The following PCNX2 variants were observed in gnomAD, a reference collection of about 807,000 sequenced individuals.
PCNX2 encodes the protein pecanex 2.
Under a neutral mutation model 223.8 loss-of-function variants are expected in PCNX2, and 168 were observed. The observed-to-expected ratio is 0.75, with a 90% CI of 0.66 to 0.85. The LOEUF (loss-of-function observed/expected upper bound fraction) is 0.85. PCNX2 is among the 40% of genes least tolerant of loss of function. The pLI is 0.00. For synonymous variants in PCNX2, 1,006 were observed against 1,052.6 expected (o/e 0.96, Z 0.86); for missense variants, 2,507 against 2,675.5 (o/e 0.94, Z 1.39).
intron 4 of PCNX2, 83 bp downstream of exon 4, chr1:233,261,202 C>A: frequency 8.0e-7 from 1 of 1,253,970 alleles, no homozygotes; most frequent in Non-Finnish European, 1.2e-6. Flanking sequence ...TTCAATTAAT[C>A]CACTGGCATT....
chr1:233,255,097 C>T (rs757739142), intron 5 of PCNX2, among the ~76,000 whole-genome samples: 21 of 152,130 alleles, frequency 1.4e-4, no homozygotes, highest in Admixed American at 6.6e-5. Context: ...GCCCAGGAAG[C>T]CAATATACTA....
intron 26 of PCNX2, among the ~76,000 whole-genome samples, chr1:233,022,222 A>G (rs979565263): frequency 6.6e-6 from 1 of 152,200 alleles, no homozygotes; most frequent in African/African-American, 2.4e-5. Flanking sequence ...TCTTCTGTCC[A>G]GACTGTATGG....
rs145764438 is a variant in PCNX2 at position 233,240,766 on chromosome 1, C to T, written c.2223-3786G>A. ...TAGTCTGGGCCAGAAGAGTGCACTT[C>T]TGTATGGAAGGAGTTGGGCCTCAAA... On this transcript the variant is annotated intron_variant, in intron 8 of 33. Transcript: ENST00000258229. 3.5e-3 allele frequency among the ~76,000 whole-genome samples: 530 copies of T among 152,324 alleles called. 2 individuals are homozygous for T. The highest frequency in any genetic ancestry group is 0.012 in the African/African-American group (517 of 41,570).
the PCNX2 span, among the ~76,000 whole-genome samples, chr1:233,321,414 C>T: frequency 5.3e-5 from 8 of 152,314 alleles, no homozygotes; most frequent in African/African-American, 1.7e-4. Flanking sequence ...TCTGCTGCCT[C>T]AGCCTCCCAA....
Position 233,001,677 on chromosome 1 carries a change from C to A in PCNX2, c.4957G>T (p.Asp1653Tyr). Residue 1653 changes from aspartate (D) to tyrosine (Y), a missense_variant, in exon 29 of 34, where the codon GAT becomes TAT. By Grantham distance (160) the Asp-to-Tyr change is radical. Around this residue, in one of 3 missense-constraint regions of PCNX2, gnomAD observed 1,372 missense variants for 1,509.4 expected, o/e 0.91. Transcript: ENST00000258229. The surrounding 1 kb of genome is among the most constrained non-coding windows in gnomAD (Gnocchi z 4.2). ...ACATGGAGGCCATACAGGAAAGAAT[C>A]CAGGCTGCAAAACAAAGTCCTATTA... Reference protein sequence around the residue: ...TAAHNMAISLDSFLYGLHVLF... With the variant: ...TAAHNMAISLYSFLYGLHVLF... 5.1e-6 allele frequency: 8 copies of A among 1,572,734 alleles called. No homozygotes were observed. Among genetic ancestry groups the A allele is most frequent in the Non-Finnish European group, 6.0e-6 (7 of 1,158,394 alleles).
intron 25 of PCNX2, chr1:233,031,634 G>T: frequency 2.0e-6 from 1 of 501,124 alleles, no homozygotes; most frequent in Non-Finnish European, 2.6e-6. Context: ...TAGGATAACA[G>T]TCTATGAAAT....
At position 233,258,154 on chromosome 1, in the gene PCNX2, T is replaced by A. The variant is rs770813995; in HGVS notation, c.1708A>T (p.Met570Leu). The change falls in exon 5 of 34, where the codon ATG becomes TTG. Residue 570 changes from methionine to leucine, a missense_variant. Met to Leu is a conservative substitution (Grantham distance 15). Around this residue, in one of 3 missense-constraint regions of PCNX2, gnomAD observed 1,031 missense variants for 1,021.7 expected, o/e 1.01. Coordinates refer to ENST00000258229, the MANE Select transcript of PCNX2 (RefSeq NM_014801.4). ...TCCAGGAAGTTGGACTCATTTGGCA[T>A]TTGTCCTTCCTTAGCCTCTAGGTCA... Reference protein sequence around the residue: ...KSDLEAKEGQMPNESNFLEFV... With the variant: ...KSDLEAKEGQLPNESNFLEFV... 8.1e-6 allele frequency: 13 copies of A among 1,613,868 alleles called. No individual in the cohort carries two copies. The highest frequency in any genetic ancestry group is 1.6e-4 in the Middle Eastern group (1 of 6,084).
chr1:233,192,150 ATTCTTTCTT>A (rs1425645866), intron 15 of PCNX2, among the ~76,000 whole-genome samples: 1 of 152,226 alleles, frequency 6.6e-6, no homozygotes, highest in Non-Finnish European at 1.5e-5. Context: ...AACCAGTTCA[ATTCTTTCTT>A]GACTATAAGA....
At chr1:233,259,455 TTAGA>T (rs1416160111) in intron 4 of PCNX2, 111 bp from the exon 5 acceptor site, 2 of 1,378,888 alleles carry the variant, frequency 1.5e-6, no homozygotes, top group African/African-American at 2.9e-5. Flanking sequence ...ACTAATGGAA[TTAGA>T]TACTTTTTTA....
At chr1:233,312,808 G>A in the PCNX2 span, among the ~76,000 whole-genome samples, 1 of 151,992 alleles carries the variant, frequency 6.6e-6, no homozygotes, top group Non-Finnish European at 1.5e-5. Flanking sequence ...AGTAAAATAG[G>A]GAAATTTTGG....
At chr1:233,063,366 G>T (rs1369973349) in intron 23 of PCNX2, among the ~76,000 whole-genome samples, 5 of 152,020 alleles carry the variant, frequency 3.3e-5, no homozygotes, top group Non-Finnish European at 7.4e-5. Flanking sequence ...AGGGAAAAAA[G>T]GTAAAGGAGA....
chr1:233,186,844 C>T (rs79311226), intron 15 of PCNX2, among the ~76,000 whole-genome samples: 6,179 of 152,158 alleles, frequency 0.041, 204 homozygotes, highest in African/African-American at 0.089. Context: ...ACGGGTCCCA[C>T]GTATCCAAGT....
intron 32 of PCNX2, among the ~76,000 whole-genome samples, chr1:232,988,105 C>A (rs1241695607): frequency 6.6e-6 from 1 of 152,156 alleles, no homozygotes; most frequent in Non-Finnish European, 1.5e-5. Context: ...AGGAAAGGGA[C>A]CCTGATGAAT....
At chr1:233,130,462 C>A (rs946771584) in intron 21 of PCNX2, among the ~76,000 whole-genome samples, 1 of 91,944 alleles carries the variant, frequency 1.1e-5, no homozygotes, top group African/African-American at 3.8e-5. Flanking sequence ...TGCCCCCCAA[C>A]TTTTGTGTGT....
chr1:233,208,569 G>A lies in PCNX2; in HGVS notation c.2812C>T (p.Leu938=). The change falls in exon 13 of 34, where the codon CTG becomes TTG. Residue 938 remains leucine, a synonymous_variant. Transcript: ENST00000258229. ...AGAAACACTGGAGAGAAGAGCTTCA[G>A]GCCATACACAACGTAACTGGGAGGG... ...RHPPSYVVYG[L]KLFSPVFLQS... The A allele has an allele frequency of 6.2e-7, 1 of 1,613,722 alleles. No individual in the cohort carries two copies. The highest frequency in any genetic ancestry group is 8.5e-7 in the Non-Finnish European group (1 of 1,179,836).
chr1:233,279,019 T>G (rs963706044), intron 1 of PCNX2, among the ~76,000 whole-genome samples: 1 of 152,178 alleles, frequency 6.6e-6, no homozygotes, highest in African/African-American at 2.4e-5. Context: ...TTGTTCATTT[T>G]CTTGCCCAGA....
At chr1:233,083,597 C>T (rs555038916) in intron 23 of PCNX2, among the ~76,000 whole-genome samples, 2 of 152,230 alleles carry the variant, frequency 1.3e-5, no homozygotes, top group Non-Finnish European at 2.9e-5. Context: ...GAAAACAACA[C>T]AGTGAGATTC....
chr1:233,202,834 G>A (rs1681202782), intron 13 of PCNX2, among the ~76,000 whole-genome samples: 1 of 152,136 alleles, frequency 6.6e-6, no homozygotes, highest in Admixed American at 6.5e-5. Flanking sequence ...ACAGAGCAGA[G>A]GCCATTTGAT....
At chr1:233,080,096 C>T (rs1053858454) in intron 23 of PCNX2, among the ~76,000 whole-genome samples, 4 of 152,154 alleles carry the variant, frequency 2.6e-5, no homozygotes, top group Non-Finnish European at 4.4e-5. Flanking sequence ...CTGTCTGTTC[C>T]CAGGTTTGTC....
Sources: allele counts gnomAD v4.1 joint callset (sites outside exome capture counted in the v4.1 genomes callset), GRCh38; gene constraint gnomAD v4.1.1; regional missense constraint gnomAD v4.1.1; non-coding constraint Gnocchi (gnomAD v3.1); transcripts MANE v1.5; gene names NCBI Gene and HGNC (gene_info 2026-07-23, HGNC 2026-07-21).